LAMA2: variants seen among roughly 807,000 people sequenced by gnomAD.
The protein encoded by LAMA2 is laminin subunit alpha-2.
LAMA2 carries 269 observed loss-of-function variants against 364.8 expected under a neutral mutation model. The observed-to-expected ratio is 0.74, with a 90% confidence interval of 0.67 to 0.82. LAMA2 has a LOEUF of 0.82. Ranked by LOEUF, LAMA2 falls within the 40% of genes least tolerant of loss-of-function variation. LAMA2 has a pLI of 0.00. For synonymous variants in LAMA2, 1,379 were observed against 1,370.6 expected (o/e 1.01, Z -0.14); for missense variants, 3,807 against 3,873.2 (o/e 0.98, Z 0.45).
intron 1 of LAMA2, among the ~76,000 whole-genome samples, chr6:129,041,020 C>T: frequency 6.6e-6 from 1 of 152,106 alleles, no homozygotes. Context: ...AATTTTCACT[C>T]ATTTGGAATT....
At chr6:129,230,687 A>G (rs748281905) in intron 12 of LAMA2, among the ~76,000 whole-genome samples, 2 of 152,130 alleles carry the variant, frequency 1.3e-5, no homozygotes, top group Non-Finnish European at 2.9e-5. Context: ...ATGAATTTGA[A>G]GCAAGGTCAG....
intron 51 of LAMA2, among the ~76,000 whole-genome samples, chr6:129,469,092 G>A (rs947990956): frequency 2.0e-5 from 3 of 151,952 alleles, no homozygotes; most frequent in Non-Finnish European, 2.9e-5. Flanking sequence ...AATTTCAAAA[G>A]AGTGATAGAA....
intron 55 of LAMA2, among the ~76,000 whole-genome samples, chr6:129,481,868 A>G (rs368840301): frequency 4.8e-4 from 73 of 152,306 alleles, no homozygotes; most frequent in African/African-American, 1.7e-3. Flanking sequence ...AAGCTGAAGT[A>G]ATAGTCTTTT....
At chr6:129,178,089 T>A (rs1452631538) in intron 10 of LAMA2, among the ~76,000 whole-genome samples, 1 of 152,224 alleles carries the variant, frequency 6.6e-6, no homozygotes, top group Non-Finnish European at 1.5e-5. Flanking sequence ...TTTAAAGGCT[T>A]GTTATTTTAT....
chr6:129,481,434 G>C lies in LAMA2; in HGVS notation c.7744G>C (p.Gly2582Arg), dbSNP rs1217238039. ...APPRRKRRQT[G>R]QAYYAILLNR... ...ACCTAGGAGAAAACGAAGGCAGACT[G>C]GACAGGTACCCTCACACCTAGCTGA... Residue 2582 changes from glycine (G) to arginine (R), a missense_variant, in exon 55 of 65, where the codon GGA becomes CGA. By Grantham distance (125) the Gly-to-Arg change is moderately radical. Coordinates refer to ENST00000421865, the MANE Select transcript of LAMA2 (RefSeq NM_000426.4). The C allele has an allele frequency of 6.2e-7, 1 of 1,612,626 alleles. No individual in the cohort carries two copies. Among genetic ancestry groups the C allele is most frequent in the Non-Finnish European group, 8.5e-7 (1 of 1,178,704 alleles).
chr6:129,386,386 T>C (rs907510752), intron 35 of LAMA2, among the ~76,000 whole-genome samples: 5 of 152,068 alleles, frequency 3.3e-5, no homozygotes, highest in African/African-American at 1.2e-4. Context: ...TTTATATATG[T>C]CTATAAAGAG....
intron 4 of LAMA2, among the ~76,000 whole-genome samples, chr6:129,120,722 A>G (rs1455875164): frequency 6.6e-6 from 1 of 152,164 alleles, no homozygotes; most frequent in Non-Finnish European, 1.5e-5. Flanking sequence ...ACGACTTTCT[A>G]CATGTCTCTT....
chr6:129,223,734 T>G (rs1784042852), intron 12 of LAMA2, among the ~76,000 whole-genome samples: 1 of 152,240 alleles, frequency 6.6e-6, no homozygotes, highest in African/African-American at 2.4e-5. Context: ...CATGCTGTTT[T>G]GGTTACTGTA....
chr6:129,239,811 T>C (rs1044422656), intron 12 of LAMA2, among the ~76,000 whole-genome samples: 2 of 152,178 alleles, frequency 1.3e-5, no homozygotes, highest in Non-Finnish European at 2.9e-5. Flanking sequence ...CCACTGCATC[T>C]AGCTCCAGAT....
intron 63 of LAMA2, among the ~76,000 whole-genome samples, chr6:129,513,633 C>G (rs1218581972): frequency 1.3e-5 from 2 of 152,176 alleles, no homozygotes; most frequent in East Asian, 1.9e-4. Flanking sequence ...GCCAAACTGA[C>G]TAATGTTTTT....
At chr6:129,485,203 C>T (rs1338332317) in intron 55 of LAMA2, among the ~76,000 whole-genome samples, 1 of 152,112 alleles carries the variant, frequency 6.6e-6, no homozygotes, top group Non-Finnish European at 1.5e-5. Flanking sequence ...TTGATTCCTT[C>T]ATCATTGCCA....
chr6:129,472,249 C>G (rs928336303), intron 51 of LAMA2, among the ~76,000 whole-genome samples: 1 of 151,986 alleles, frequency 6.6e-6, no homozygotes, highest in African/African-American at 2.4e-5. Context: ...TTATAACCCA[C>G]TGGTTCAAAT....
At chr6:129,261,989 T>G (rs1013171697) in intron 15 of LAMA2, among the ~76,000 whole-genome samples, 2 of 152,134 alleles carry the variant, frequency 1.3e-5, no homozygotes, top group Non-Finnish European at 2.9e-5. Flanking sequence ...TATTTGAACT[T>G]TTAAGATCCT....
intron 20 of LAMA2, among the ~76,000 whole-genome samples, chr6:129,293,544 CAAGA>C (rs1789869521): frequency 6.6e-6 from 1 of 152,248 alleles, no homozygotes; most frequent in East Asian, 1.9e-4. Flanking sequence ...ACAACAAATG[CAAGA>C]AACACATTTT....
At position 129,511,696 on chromosome 6, in the gene LAMA2, G is replaced by GTATC. The variant is rs936370662; in HGVS notation, c.8858-661_8858-658dup. On this transcript the variant is annotated intron_variant, in intron 62 of 64. Coordinates refer to ENST00000421865, the MANE Select transcript of LAMA2 (RefSeq NM_000426.4). Reference sequence around the variant, plus strand: ...ACATATCACTTTGTTCCTAAGTGATGTATCTATCTTAAATACTTGCTCAAA... The same window carrying GTATC: ...ACATATCACTTTGTTCCTAAGTGATGTATCTATCTATCTTAAATACTTGCTCAAA... 4.0e-5 allele frequency among the ~76,000 whole-genome samples: 6 copies of GTATC among 150,710 alleles called. No individual in the cohort carries two copies. In the South Asian group the frequency reaches 6.4e-4, roughly 16 times the overall value.
chr6:129,349,345 C>T lies in LAMA2; in HGVS notation c.4484C>T (p.Thr1495Met), dbSNP rs147987573. ...VAEGLDDYRC[T>M]ACPRGYEGQY... ...GAAGGACTTGACGACTACCGCTGCA[C>T]GGCTTGTCCACGGGGATATGAAGGC... The change falls in exon 31 of 65, where the codon ACG (threonine) becomes ATG (methionine). Residue 1495 changes from threonine to methionine, a missense_variant. Around this residue, in one of 3 missense-constraint regions of LAMA2, gnomAD observed 3,333 missense variants for 3,345.7 expected, o/e 1.00. Transcript: ENST00000421865. 49 of 1,613,588 alleles carry T rather than the reference C, an allele frequency of 3.0e-5. No homozygotes were observed. Among genetic ancestry groups the T allele is most frequent in the African/African-American group, 1.5e-4 (11 of 75,018 alleles).
intron 41 of LAMA2, 114 bp downstream of exon 41, chr6:129,427,968 C>A: frequency 9.2e-6 from 7 of 758,276 alleles, no homozygotes; most frequent in South Asian, 9.0e-5. Flanking sequence ...TGTGATGATT[C>A]TATAATCTAT....
intron 1 of LAMA2, among the ~76,000 whole-genome samples, chr6:128,944,363 T>C (rs1227213897): frequency 6.6e-6 from 1 of 152,202 alleles, no homozygotes; most frequent in African/African-American, 2.4e-5. Context: ...GCCTGATCCA[T>C]CTTCTGTTTA....
At chr6:129,412,947 T>C (rs1332689042) in intron 40 of LAMA2, among the ~76,000 whole-genome samples, 1 of 152,210 alleles carries the variant, frequency 6.6e-6, no homozygotes, top group Non-Finnish European at 1.5e-5. Context: ...GCACTAACTA[T>C]CTCTGCTTCA....
Sources: gnomAD v4.1 joint callset for allele counts (sites outside exome capture counted in the v4.1 genomes callset) on GRCh38, gnomAD v4.1.1 for gene constraint, gnomAD v4.1.1 regional missense constraint, MANE v1.5 for transcripts, NCBI Gene and HGNC (gene_info 2026-07-23, HGNC 2026-07-21) for gene names.